The following LRP6 variants were observed in gnomAD, a reference collection of about 807,000 sequenced individuals.
The protein encoded by LRP6 is low-density lipoprotein receptor-related protein 6.
Under a neutral mutation model 184.1 loss-of-function variants are expected in LRP6, and 43 were observed. The ratio of observed to expected loss-of-function variants is 0.23; its 90% CI spans 0.18 to 0.30. The LOEUF is 0.30. LRP6 is among the 10% of genes least tolerant of loss of function. LRP6 has a pLI of 1.00. For synonymous variants in LRP6, 719 were observed against 684.9 expected (o/e 1.05, Z -0.78); for missense variants, 1,571 against 2,005.3 (o/e 0.78, Z 4.14).
intron 17 of LRP6, 58 bp from the exon 18 acceptor site, chr12:12,132,115 T>C: frequency 5.0e-6 from 5 of 995,628 alleles, no homozygotes; most frequent in Non-Finnish European, 8.1e-6. Context: ...CACACAGAAG[T>C]ACAAACACAT....
chr12:12,167,381 C>T (rs987458034), intron 7 of LRP6, among the ~76,000 whole-genome samples: 33 of 152,092 alleles, frequency 2.2e-4, no homozygotes, highest in African/African-American at 7.7e-4. Flanking sequence ...CGGTGGCTCA[C>T]GCCTGTAATC....
intron 7 of LRP6, among the ~76,000 whole-genome samples, chr12:12,172,612 T>G (rs1477159920): frequency 6.6e-6 from 1 of 152,218 alleles, no homozygotes. Context: ...TCTTCTAATG[T>G]TCCAGACAAT....
rs1453339942 is a variant in LRP6 at position 12,152,471 on chromosome 12, G to C, written c.2792-1433C>G. The stretch of plus-strand genomic sequence containing the variant: ...CCAGCTAATTTTTTTAATTTTAGTA[G>C]AGACAGGGTTTCACCATGCTGGTCA... On this transcript the variant is annotated intron_variant, in intron 12 of 22. Coordinates refer to ENST00000261349, the MANE Select transcript of LRP6 (RefSeq NM_002336.3). Among the ~76,000 whole-genome samples, 4 of 151,840 alleles carry C rather than the reference G, an allele frequency of 2.6e-5. No individual in the cohort carries two copies. In the East Asian group the frequency reaches 7.7e-4, roughly 29 times the overall value.
intron 15 of LRP6, among the ~76,000 whole-genome samples, chr12:12,143,982 T>C (rs1160400912): frequency 6.6e-6 from 1 of 152,034 alleles, no homozygotes; most frequent in African/African-American, 2.4e-5. Flanking sequence ...ATCCCTCAAC[T>C]CCCATGAAGA....
At chr12:12,237,190 C>T (rs950163894) in intron 2 of LRP6, among the ~76,000 whole-genome samples, 1 of 152,340 alleles carries the variant, frequency 6.6e-6, no homozygotes, top group Admixed American at 6.5e-5. Flanking sequence ...ATGCACCTAG[C>T]AACCCTACTG....
In LRP6 at chr12:12,150,988, C is replaced by T; in HGVS notation, c.2842G>A (p.Val948Met). 6.2e-7 allele frequency: 1 copy of T among 1,614,146 alleles called. No individual in the cohort carries two copies. Among genetic ancestry groups the T allele is most frequent in the Non-Finnish European group, 8.5e-7 (1 of 1,180,022 alleles). The change falls in exon 13 of 23, where the codon GTG becomes ATG. Residue 948 changes from valine (V) to methionine (M), a missense_variant. Val to Met is a conservative substitution (Grantham distance 21). Around this residue, in one of 4 missense-constraint regions of LRP6, gnomAD observed 763 missense variants for 859.5 expected, o/e 0.89. Transcript: ENST00000261349. ...TCGGGGCTCTGTTGTTCATCAATCACCATGCGGTTGATGGCACTCTTTTGA... is the reference window on the plus strand; with the variant it reads ...TCGGGGCTCTGTTGTTCATCAATCATCATGCGGTTGATGGCACTCTTTTGA... ...FSQKSAINRM[V>M]IDEQQSPDII...
Position 12,187,103 on chromosome 12 carries a change from C to T in LRP6, c.664G>A (p.Gly222Ser), listed in dbSNP as rs1184530358. ...DGTNRQAVVK[G>S]SLPHPFALTL... Reference sequence around the variant, plus strand: ...AAGGCAAAAGGATGTGGAAGGGAACCTTTAACCACTGCCTGCCTATTAACA... The same window carrying T: ...AAGGCAAAAGGATGTGGAAGGGAACTTTTAACCACTGCCTGCCTATTAACA... The change falls in exon 4 of 23, where the codon GGT becomes AGT. Residue 222 changes from glycine (G) to serine (S), a missense_variant. By Grantham distance (56) the Gly-to-Ser change is moderately conservative (BLOSUM62 0). Coordinates refer to ENST00000261349, the MANE Select transcript of LRP6 (RefSeq NM_002336.3). 1 of 1,614,088 alleles carries T rather than the reference C, an allele frequency of 6.2e-7. No homozygotes were observed.
chr12:12,207,974 C>T (rs780013652), intron 2 of LRP6, among the ~76,000 whole-genome samples: 4 of 152,088 alleles, frequency 2.6e-5, no homozygotes, highest in African/African-American at 4.8e-5. Flanking sequence ...AAACAGACCA[C>T]AGAAGTAATC....
rs1371295918 is a variant in LRP6 at position 12,159,065 on chromosome 12, C to T, written c.2555G>A (p.Arg852Gln). The change falls in exon 12 of 23, where the codon CGA (arginine) becomes CAA (glutamine). Residue 852 changes from arginine (R) to glutamine (Q), a missense_variant. Physicochemically the swap from Arg to Gln is conservative, Grantham distance 43. Coordinates refer to ENST00000261349, the MANE Select transcript of LRP6 (RefSeq NM_002336.3). ...QDYIYWTDWS[R>Q]RSIERANKTS... ...TTTGTTGGCACGCTCAATGCTGCGT[C>T]GGCTCCAGTCCGTCCAGTAGATATA... 2 of 1,613,962 alleles carry T rather than the reference C, an allele frequency of 1.2e-6. No homozygotes were observed. The highest frequency in any genetic ancestry group is 1.1e-5 in the South Asian group (1 of 91,080).
chr12:12,224,924 G>A (rs894119267), intron 2 of LRP6, among the ~76,000 whole-genome samples: 2 of 152,192 alleles, frequency 1.3e-5, no homozygotes, highest in Non-Finnish European at 2.9e-5. Flanking sequence ...CTTCTGAATG[G>A]CCAGGGGCGG....
At chr12:12,238,187 G>A (rs74061144) in intron 2 of LRP6, among the ~76,000 whole-genome samples, 2,580 of 148,176 alleles carry the variant, frequency 0.017, 82 homozygotes, top group African/African-American at 0.06. Flanking sequence ...AGGCACAGCT[G>A]AAGAAAGAAT....
intron 2 of LRP6, among the ~76,000 whole-genome samples, chr12:12,213,441 A>G (rs867112026): frequency 3.9e-5 from 6 of 152,178 alleles, no homozygotes; most frequent in South Asian, 4.1e-4. Context: ...CACTTTTTAT[A>G]TATCAAGGCT....
intron 12 of LRP6, among the ~76,000 whole-genome samples, chr12:12,158,542 C>G (rs901486524): frequency 1.3e-5 from 2 of 152,122 alleles, no homozygotes; most frequent in East Asian, 3.9e-4. Flanking sequence ...CTAGGCTGGT[C>G]TTGAACTCCT....
intron 15 of LRP6, among the ~76,000 whole-genome samples, chr12:12,141,290 C>T (rs1260500022): frequency 6.6e-6 from 1 of 152,062 alleles, no homozygotes; most frequent in Non-Finnish European, 1.5e-5. Flanking sequence ...GGGGAAAGAA[C>T]ATGTTAAAAG....
chr12:12,193,364 A>G (rs1863666664), intron 3 of LRP6, among the ~76,000 whole-genome samples: 1 of 151,216 alleles, frequency 6.6e-6, no homozygotes, highest in African/African-American at 2.4e-5. Flanking sequence ...AAATAAAAAC[A>G]TTAGGGTTAA....
At chr12:12,124,488 T>C in intron 22 of LRP6, 77 bp downstream of exon 22, 1 of 980,174 alleles carries the variant, frequency 1.0e-6, no homozygotes, top group African/African-American at 1.6e-5. Context: ...GTCTACTCAT[T>C]TGGGGCTATA....
intron 11 of LRP6, 67 bp downstream of exon 11, chr12:12,159,713 T>A (rs1456353934): frequency 1.4e-6 from 2 of 1,436,564 alleles, no homozygotes; most frequent in Non-Finnish European, 2.0e-6. Flanking sequence ...TAACCAATGA[T>A]AAATAGCAGC....
chr12:12,121,119 C>T lies in LRP6; in HGVS notation c.*7G>A, dbSNP rs1192957691. On this transcript the variant is annotated 3_prime_UTR_variant, in exon 23 of 23. Transcript: ENST00000261349. The stretch of plus-strand genomic sequence containing the variant: ...GTTGGAGGCAGTCAGAGGAGGAGGG[C>T]CCCTCCTCAGGAGGAGTCTGTACAG... 1 of 1,584,406 alleles carries T rather than the reference C, an allele frequency of 6.3e-7. No individual in the cohort carries two copies. Among genetic ancestry groups the T allele is most frequent in the East Asian group, 2.3e-5 (1 of 44,354 alleles).
Position 12,266,905 on chromosome 12 carries a change from C to A in LRP6, c.-170G>T, listed in dbSNP as rs1285617958. ...CAAGGTTCCGCGCGCGCCGCCGCCG[C>A]CCTCTCTACCGCGCCGCTCGGCCCC... On this transcript the variant is annotated 5_prime_UTR_variant, in exon 1 of 23. Coordinates refer to ENST00000261349, the MANE Select transcript of LRP6 (RefSeq NM_002336.3). The A allele has an allele frequency of 4.5e-6, 3 of 662,256 alleles. No homozygotes were observed. The highest frequency in any genetic ancestry group is 3.4e-5 in the South Asian group (2 of 58,016). 41.0% of individuals were successfully genotyped at this position (662,256 alleles called of 1,614,324 possible).
Sources: allele counts gnomAD v4.1 joint callset (sites outside exome capture counted in the v4.1 genomes callset), GRCh38; gene constraint gnomAD v4.1.1; regional missense constraint gnomAD v4.1.1; transcripts MANE v1.5; gene names NCBI Gene and HGNC (gene_info 2026-07-23, HGNC 2026-07-21).